EPHA6: variants seen among roughly 807,000 people sequenced by gnomAD.
EPHA6 encodes the protein ephrin type-A receptor 6.
EPHA6 carries 50 observed loss-of-function variants against 112.0 expected under a neutral mutation model. The ratio of observed to expected loss-of-function variants is 0.45; its 90% CI spans 0.36 to 0.56. EPHA6 has a LOEUF of 0.56. EPHA6 is among the 20% of genes least tolerant of loss of function. The pLI is 0.00. For synonymous variants in EPHA6, 529 were observed against 490.7 expected (o/e 1.08, Z -1.03); for missense variants, 1,280 against 1,417.4 (o/e 0.90, Z 1.56).
intron 11 of EPHA6, among the ~76,000 whole-genome samples, chr3:97,588,438 G>C (rs2093512205): frequency 6.6e-6 from 1 of 152,112 alleles, no homozygotes; most frequent in Non-Finnish European, 1.5e-5. Flanking sequence ...GCAACCTAAT[G>C]AAAACAATTT....
At chr3:97,641,174 A>G (rs1010996502) in intron 14 of EPHA6, among the ~76,000 whole-genome samples, 1 of 152,228 alleles carries the variant, frequency 6.6e-6, no homozygotes. Flanking sequence ...ATATTCTATT[A>G]TAACAAAATT....
At chr3:97,322,104 C>T (rs1054915707) in intron 5 of EPHA6, among the ~76,000 whole-genome samples, 1 of 151,986 alleles carries the variant, frequency 6.6e-6, no homozygotes, top group African/African-American at 2.4e-5. Flanking sequence ...GTTTTCCTTT[C>T]TAAAGAAAGC....
At chr3:97,082,795 C>A (rs1028057281) in intron 3 of EPHA6, among the ~76,000 whole-genome samples, 1 of 151,736 alleles carries the variant, frequency 6.6e-6, no homozygotes, top group East Asian at 1.9e-4. Flanking sequence ...TTTCTTTTTT[C>A]TTTTATTTGA....
intron 1 of EPHA6, among the ~76,000 whole-genome samples, chr3:96,827,637 A>G (rs2033751735): frequency 6.6e-6 from 1 of 152,146 alleles, no homozygotes; most frequent in Non-Finnish European, 1.5e-5. Flanking sequence ...AATTCAAGAC[A>G]AATGACAAGG....
chr3:97,083,984 G>A (rs891322411), intron 3 of EPHA6, among the ~76,000 whole-genome samples: 3 of 150,488 alleles, frequency 2.0e-5, no homozygotes, highest in African/African-American at 7.3e-5. Context: ...ATAACAAACA[G>A]TACAGTGAGT....
intron 2 of EPHA6, among the ~76,000 whole-genome samples, chr3:96,951,341 GTTAT>G (rs1292405665): frequency 6.6e-6 from 1 of 152,014 alleles, no homozygotes; most frequent in African/African-American, 2.4e-5. Flanking sequence ...TGAAGATAAA[GTTAT>G]TTAATCAATC....
At chr3:97,539,124 CTT>C (rs1162289555) in intron 11 of EPHA6, among the ~76,000 whole-genome samples, 5 of 124,012 alleles carry the variant, frequency 4.0e-5, no homozygotes, top group African/African-American at 1.6e-4. Context: ...TTCTTTCTTT[CTT>C]TTTCTTTCTT....
Position 96,986,134 on chromosome 3 carries a change from G to A in EPHA6, c.451-1196G>A, listed in dbSNP as rs148213410. ...TCAGTTATAGCTATACAAATAAAAT[G>A]GAGTTATAATCTAAATTTACAGTAT... On this transcript the variant is annotated intron_variant, in intron 2 of 17. Coordinates refer to ENST00000389672, the MANE Select transcript of EPHA6 (RefSeq NM_001080448.3). Among the ~76,000 whole-genome samples the A allele has an allele frequency of 1.2e-3, 181 of 152,102 alleles. 1 individual carries two copies. Among genetic ancestry groups the A allele is most frequent in the African/African-American group, 4.1e-3 (172 of 41,506 alleles).
intron 10 of EPHA6, among the ~76,000 whole-genome samples, chr3:97,502,859 A>AG (rs1222653586): frequency 6.7e-6 from 1 of 149,834 alleles, no homozygotes; most frequent in Non-Finnish European, 1.5e-5. Flanking sequence ...AAAAAAAAAA[A>AG]AGTCAACATA....
intron 5 of EPHA6, among the ~76,000 whole-genome samples, chr3:97,313,604 G>A (rs1157068297): frequency 6.6e-6 from 1 of 151,484 alleles, no homozygotes; most frequent in African/African-American, 2.4e-5. Context: ...ATATCTCTTT[G>A]TGACTTTAAT....
At chr3:96,936,969 A>G (rs1230838882) in intron 2 of EPHA6, among the ~76,000 whole-genome samples, 1 of 152,166 alleles carries the variant, frequency 6.6e-6, no homozygotes, top group African/African-American at 2.4e-5. Flanking sequence ...ATAGTATTCC[A>G]TGGTGTATAT....
chr3:96,814,700 C>T lies in EPHA6; in HGVS notation c.77C>T (p.Pro26Leu), dbSNP rs201166256. 1.3e-6 allele frequency: 2 copies of T among 1,503,208 alleles called. No individual in the cohort carries two copies. Among genetic ancestry groups the T allele is most frequent in the South Asian group, 1.3e-5 (1 of 74,312 alleles). 93.1% of individuals were successfully genotyped at this position (1,503,208 alleles called of 1,614,324 possible). A position where few individuals can be genotyped will look rare whatever the true frequency, so the allele number is the denominator to read the frequency against. ...QAASSSEAAAPATGQPGPSCP... is the reference protein window; with the variant it reads ...QAASSSEAAALATGQPGPSCP... ...GCGTCCTCCTCCGAAGCAGCTGCAC[C>T]TGCAACTGGGCAGCCTGGACCCTCG... Residue 26 changes from proline (P) to leucine (L), a missense_variant, in exon 1 of 18, where the codon CCT (proline) becomes CTT (leucine). Transcript: ENST00000389672.
intron 3 of EPHA6, among the ~76,000 whole-genome samples, chr3:97,146,426 C>T (rs1428427000): frequency 1.3e-5 from 2 of 151,848 alleles, no homozygotes; most frequent in East Asian, 3.9e-4. Context: ...AAACCATATC[C>T]CTAGCATCTC....
intron 3 of EPHA6, among the ~76,000 whole-genome samples, chr3:97,164,658 C>G (rs1274558863): frequency 6.6e-6 from 1 of 152,012 alleles, no homozygotes; most frequent in Non-Finnish European, 1.5e-5. Context: ...TTATTTGAAG[C>G]TATATTATAT....
chr3:97,080,427 A>C (rs1320499987), intron 3 of EPHA6, among the ~76,000 whole-genome samples: 1 of 151,990 alleles, frequency 6.6e-6, no homozygotes, highest in Non-Finnish European at 1.5e-5. Flanking sequence ...AAGCTGGAGA[A>C]CTCTCCAAAA....
At position 97,314,868 on chromosome 3, in the gene EPHA6, T is replaced by C. The variant is rs566249628; in HGVS notation, c.1606+70581T>C. ...TCATCAATATCACACATATCATATATGCCAAGTCTTCAAATCACTATCACC... is the reference window on the plus strand; with the variant it reads ...TCATCAATATCACACATATCATATACGCCAAGTCTTCAAATCACTATCACC... On this transcript the variant is annotated intron_variant, in intron 5 of 17. Coordinates refer to ENST00000389672, the MANE Select transcript of EPHA6 (RefSeq NM_001080448.3). Among the ~76,000 whole-genome samples the C allele has an allele frequency of 1.5e-4, 23 of 151,840 alleles. No individual in the cohort carries two copies. In the South Asian group the frequency reaches 4.6e-3, roughly 30 times the overall value.
intron 4 of EPHA6, among the ~76,000 whole-genome samples, chr3:97,228,413 T>A (rs2108548773): frequency 6.6e-6 from 1 of 152,226 alleles, no homozygotes; most frequent in South Asian, 2.1e-4. Context: ...GAACATATGA[T>A]GTTTGGTTTG....
chr3:96,964,584 G>A (rs937277367), intron 2 of EPHA6, among the ~76,000 whole-genome samples: 2 of 152,000 alleles, frequency 1.3e-5, no homozygotes, highest in African/African-American at 4.8e-5. Context: ...TTGTTGCTAG[G>A]AGTACATTGA....
chr3:97,727,451 G>A (rs1333059894), intron 15 of EPHA6, among the ~76,000 whole-genome samples: 1 of 151,782 alleles, frequency 6.6e-6, no homozygotes, highest in African/African-American at 2.4e-5. Flanking sequence ...CTCAGTTATG[G>A]GTCAGTCTTT....
Sources: gnomAD v4.1 joint callset for allele counts (sites outside exome capture counted in the v4.1 genomes callset) on GRCh38, gnomAD v4.1.1 for gene constraint, MANE v1.5 for transcripts, NCBI Gene and HGNC (gene_info 2026-07-23, HGNC 2026-07-21) for gene names.